ZRANB2: variants seen among roughly 807,000 people sequenced by gnomAD.
ZRANB2 encodes the protein zinc finger Ran-binding domain-containing protein 2.
ZRANB2 carries 19 observed loss-of-function variants against 53.4 expected under a neutral mutation model. The ratio of observed to expected loss-of-function variants is 0.36; its 90% confidence interval spans 0.25 to 0.52. The LOEUF (loss-of-function observed/expected upper bound fraction) is 0.52, where lower values mean the gene tolerates loss of function less well. ZRANB2 is among the 20% of genes least tolerant of loss of function. The pLI is 0.93. For synonymous variants in ZRANB2, 145 were observed against 134.8 expected (o/e 1.08, Z -0.52); for missense variants, 309 against 401.1 (o/e 0.77, Z 1.96).
At chr1:71,068,955 T>C (rs1326314038) in intron 8 of ZRANB2, among the ~76,000 whole-genome samples, 1 of 151,930 alleles carries the variant, frequency 6.6e-6, no homozygotes, top group East Asian at 1.9e-4. Flanking sequence ...TGCCTGGCCA[T>C]ATATAATCTT....
chr1:71,080,674 G>T (rs542814494), intron 1 of ZRANB2, among the ~76,000 whole-genome samples: 7 of 151,882 alleles, frequency 4.6e-5, no homozygotes, highest in South Asian at 2.1e-4. Context: ...GGGGCAAAAA[G>T]GTAGGCCATC....
intron 7 of ZRANB2, 97 bp from the exon 8 acceptor site, chr1:71,069,459 C>A: frequency 1.3e-6 from 1 of 796,260 alleles, no homozygotes; most frequent in Non-Finnish European, 2.0e-6. Flanking sequence ...AGTTCATTTT[C>A]ATATAAAAAG....
At chr1:71,075,866 TATA>T (rs1366157501) in intron 4 of ZRANB2, among the ~76,000 whole-genome samples, 1 of 149,054 alleles carries the variant, frequency 6.7e-6, no homozygotes, top group Non-Finnish European at 1.5e-5. Context: ...GACATTATGT[TATA>T]ATGTTCTCAC....
At chr1:71,074,092 G>C (rs920765059) in intron 4 of ZRANB2, among the ~76,000 whole-genome samples, 3 of 152,106 alleles carry the variant, frequency 2.0e-5, no homozygotes, top group Non-Finnish European at 2.9e-5. Flanking sequence ...AAAGAAGAGT[G>C]TTTAATCCAT....
At chr1:71,079,587 A>G (rs1661790360) in intron 1 of ZRANB2, among the ~76,000 whole-genome samples, 1 of 152,216 alleles carries the variant, frequency 6.6e-6, no homozygotes, top group African/African-American at 2.4e-5. Context: ...TATTCCTTTT[A>G]ACTCCATTAA....
intron 8 of ZRANB2, chr1:71,067,842 T>A (rs547426899): frequency 3.1e-6 from 1 of 326,712 alleles, no homozygotes; most frequent in Non-Finnish European, 6.0e-6. Context: ...TACTAAATAA[T>A]GGTAACAATA....
At position 71,072,166 on chromosome 1, in the gene ZRANB2, T is replaced by C. The variant is rs1044840272; in HGVS notation, c.468A>G (p.Glu156=). The C allele has an allele frequency of 5.6e-6, 9 of 1,612,278 alleles. No individual in the cohort carries two copies. The African/African-American group carries it at 1.2e-4, about 22-fold the overall frequency. Reference sequence around the variant, plus strand: ...AAAGATCTTCATCCTCATCCTCTTCTTCTCCCTCTGATTCTTTATCTTCAA... The same window carrying C: ...AAAGATCTTCATCCTCATCCTCTTCCTCTCCCTCTGATTCTTTATCTTCAA... ...KEVEDKESEG[E]EEDEDEDLSK... The change falls in exon 6 of 10, where the codon GAA becomes GAG. Residue 156 remains glutamate (E), a synonymous_variant. Transcript: ENST00000370920.
rs568275817 is a variant in ZRANB2, at chr1:71,069,662, C to A, written c.684-300G>T. On this transcript the variant is annotated intron_variant, in intron 7 of 9. Coordinates refer to ENST00000370920, the MANE Select transcript of ZRANB2 (RefSeq NM_203350.3). ...TTGTTTACAAGTAACTAGAAGCTAC[C>A]CAGAATACATCCAAGAAAACAGAAT... The A allele has an allele frequency of 3.3e-5, 6 of 181,398 alleles. 1 individual carries two copies. The South Asian group carries it at 1.0e-3, about 31-fold the overall frequency. The allele number at this position is 181,398 out of a possible 1,614,324, so 11.2% of individuals were successfully genotyped here.
intron 1 of ZRANB2, among the ~76,000 whole-genome samples, chr1:71,080,252 G>A (rs1661808593): frequency 6.6e-6 from 1 of 151,976 alleles, no homozygotes; most frequent in African/African-American, 2.4e-5. Context: ...TACTGGCTTT[G>A]GCAACAATGT....
At chr1:71,077,662 T>C (rs1481241160) in intron 3 of ZRANB2, among the ~76,000 whole-genome samples, 1 of 152,162 alleles carries the variant, frequency 6.6e-6, no homozygotes, top group Non-Finnish European at 1.5e-5. Flanking sequence ...GAGGCCATCC[T>C]GGGCAACATG....
chr1:71,079,356 A>T (rs544909140), intron 1 of ZRANB2, among the ~76,000 whole-genome samples: 122 of 152,320 alleles, frequency 8.0e-4, no homozygotes, highest in African/African-American at 2.8e-3. Flanking sequence ...ATACTCAACA[A>T]ACTCAAACCT....
chr1:71,070,804 A>AC, intron 7 of ZRANB2, 23 bp downstream of exon 7: 1 of 1,410,454 alleles, frequency 7.1e-7, no homozygotes, highest in Non-Finnish European at 9.5e-7. Context: ...GACTGGTGTT[A>AC]CCCTTGACCT....
At chr1:71,067,043 A>T (rs1473612413) in intron 8 of ZRANB2, 109 bp from the exon 9 acceptor site, 26 of 1,111,458 alleles carry the variant, frequency 2.3e-5, no homozygotes, top group Non-Finnish European at 2.9e-5. Flanking sequence ...ACAACTATGA[A>T]AATTTTATAA....
At chr1:71,065,619 T>C in intron 9 of ZRANB2, 8 of 1,538,336 alleles carry the variant, frequency 5.2e-6, no homozygotes, top group Non-Finnish European at 4.4e-6. Context: ...CACAAGATGA[T>C]TGTACAATTT....
chr1:71,079,340 A>G (rs1056999696), intron 1 of ZRANB2, among the ~76,000 whole-genome samples: 7 of 152,212 alleles, frequency 4.6e-5, no homozygotes, highest in African/African-American at 1.4e-4. Context: ...GTAAGACTTT[A>G]TGCTTATACT....
Position 71,078,558 on chromosome 1 carries a change from T to A in ZRANB2, c.117A>T (p.Thr39=). The A allele has an allele frequency of 6.2e-7, 1 of 1,613,978 alleles. No homozygotes were observed. The highest frequency in any genetic ancestry group is 8.5e-7 in the Non-Finnish European group (1 of 1,179,934). The part of the protein sequence containing the change: ...TSCNRCGREK[T]TEAKMMKAGG... ...CAGCTTTCATCATCTTGGCCTCAGT[T>A]GTTTTCTCTGAAAACAGAAAAATCA... Residue 39 remains threonine (T), a synonymous_variant, in exon 3 of 10, where the codon ACA becomes ACT. Transcript: ENST00000370920.
intron 9 of ZRANB2, 65 bp downstream of exon 9, chr1:71,066,711 A>G (rs1193363159): frequency 3.3e-6 from 5 of 1,515,588 alleles, no homozygotes; most frequent in Admixed American, 2.2e-5. Context: ...CTTGACTAGG[A>G]AAGTTTACTT....
intron 1 of ZRANB2, among the ~76,000 whole-genome samples, chr1:71,080,060 GGTTT>G (rs1350397389): frequency 6.6e-6 from 1 of 151,754 alleles, no homozygotes; most frequent in Non-Finnish European, 1.5e-5. Flanking sequence ...ACTAAACCCA[GGTTT>G]ATTTCAAAGT....
chr1:71,080,808 AG>A (rs1419692208), intron 1 of ZRANB2, 131 bp downstream of exon 1: 11 of 1,020,682 alleles, frequency 1.1e-5, no homozygotes, highest in Non-Finnish European at 1.2e-5. Flanking sequence ...TCTTCCCGCC[AG>A]GGAACTGGCG....
Sources: allele counts gnomAD v4.1 joint callset (sites outside exome capture counted in the v4.1 genomes callset), GRCh38; gene constraint gnomAD v4.1.1; transcripts MANE v1.5; gene names NCBI Gene and HGNC (gene_info 2026-07-23, HGNC 2026-07-21).